The following METTL5 variants were observed in gnomAD, a reference collection of about 807,000 sequenced individuals.
The protein encoded by METTL5 is rRNA N(6)-adenosine-methyltransferase METTL5.
Under a neutral mutation model 26.5 loss-of-function variants are expected in METTL5, and 28 were observed. The observed-to-expected ratio is 1.06, with a 90% confidence interval of 0.78 to 1.45. The LOEUF (loss-of-function observed/expected upper bound fraction) is 1.45, where lower values mean the gene tolerates loss of function less well. Ranked by LOEUF, METTL5 falls within the 40% of genes most tolerant of loss-of-function variation. The probability of loss-of-function intolerance (pLI) is 0.00; values close to 1 mark genes in which losing one functional copy is unlikely to be tolerated. For missense variants in METTL5, 231 were observed against 249.9 expected (o/e 0.92, Z 0.51); for synonymous variants, 86 against 82.6 (o/e 1.04, Z -0.22).
chr2:169,815,511 A>C lies in METTL5; in HGVS notation c.507T>G (p.Ala169=). 21 of 1,602,588 alleles carry C rather than the reference A, an allele frequency of 1.3e-5. No individual in the cohort carries two copies. Among genetic ancestry groups the C allele is most frequent in the Non-Finnish European group, 1.8e-5 (21 of 1,171,222 alleles). The part of the protein sequence containing the change: ...SSTREHVQKK[A]AEWKIKIDII... ...TATCTATCTTGATTTTCCATTCTGCAGCTTTCTTTTGAACATGCTGAACAT... is the reference window on the plus strand; with the variant it reads ...TATCTATCTTGATTTTCCATTCTGCCGCTTTCTTTTGAACATGCTGAACAT... The change falls in exon 5 of 7, where the codon GCT becomes GCG. Residue 169 remains alanine, a synonymous_variant. Transcript: ENST00000260953.
At chr2:169,824,149 A>G (rs111655763) in intron 1 of METTL5, 95 of 213,610 alleles carry the variant, frequency 4.4e-4, no homozygotes, top group African/African-American at 1.9e-3. Context: ...CCTAAATAGT[A>G]CCAGCGACTC....
At chr2:169,818,902 T>C (rs1167278383) in intron 4 of METTL5, among the ~76,000 whole-genome samples, 2 of 152,192 alleles carry the variant, frequency 1.3e-5, no homozygotes, top group Non-Finnish European at 2.9e-5. Flanking sequence ...GAGGATAGTA[T>C]AGATGACAAA....
intron 1 of METTL5, among the ~76,000 whole-genome samples, chr2:169,822,613 T>A (rs76308134): frequency 1.3e-5 from 2 of 151,910 alleles, no homozygotes; most frequent in South Asian, 2.1e-4. Flanking sequence ...CTTTTTTTTT[T>A]AAACACAGGT....
Position 169,815,477 on chromosome 2 carries a change from C to T in METTL5, c.541G>A (p.Glu181Lys). ...ATATTAGGATTGAGATTTGTCTTAC[C>T]TGCTATAATATCTATCTTGATTTTC... ...EWKIKIDIIA[E>K]LRYDLPASYK... is the part of the protein sequence containing the mutation. The change falls in exon 5 of 7, where the codon GAA becomes AAA. Residue 181 changes from glutamate to lysine, a missense_variant and splice_region_variant. Physicochemically the swap from Glu to Lys is moderately conservative, Grantham distance 56. Transcript: ENST00000260953. The T allele has an allele frequency of 1.3e-6, 2 of 1,597,306 alleles. No individual in the cohort carries two copies. The highest frequency in any genetic ancestry group is 1.7e-6 in the Non-Finnish European group (2 of 1,168,654).
intron 3 of METTL5, 52 bp from the exon 4 acceptor site, chr2:169,819,695 TTAAG>T: frequency 1.6e-6 from 2 of 1,263,758 alleles, no homozygotes; most frequent in South Asian, 2.6e-5. Flanking sequence ...AAACAGAAGA[TTAAG>T]TTAGTAGGAT....
Position 169,821,156 on chromosome 2 carries a change from G to A in METTL5, c.342C>T (p.Asn114=), listed in dbSNP as rs144548406. The A allele has an allele frequency of 2.3e-5, 37 of 1,612,016 alleles. No individual in the cohort carries two copies. Among genetic ancestry groups the A allele is most frequent in the Non-Finnish European group, 2.9e-5 (34 of 1,179,068 alleles). The change falls in exon 3 of 7, where the codon AAC becomes AAT. Residue 114 remains asparagine (N), a synonymous_variant. Coordinates refer to ENST00000260953, the MANE Select transcript of METTL5 (RefSeq NM_014168.4). The part of the protein sequence containing the change: ...MVQCDVCLLS[N]RMSKSFDTVI... ...CTGTATCGAATGACTTGGACATTCTGTTAGATAATAAGCACACATCACATT... is the reference window on the plus strand; with the variant it reads ...CTGTATCGAATGACTTGGACATTCTATTAGATAATAAGCACACATCACATT...
At chr2:169,819,402 A>C (rs73016479) in intron 4 of METTL5, among the ~76,000 whole-genome samples, 159 bp downstream of exon 4, 1 of 152,306 alleles carries the variant, frequency 6.6e-6, no homozygotes, top group Admixed American at 6.5e-5. Flanking sequence ...GAAAAAGGCC[A>C]ATCAGATGCT....
At chr2:169,817,165 CAACA>C (rs2081520193) in intron 4 of METTL5, among the ~76,000 whole-genome samples, 2 of 152,012 alleles carry the variant, frequency 1.3e-5, no homozygotes, top group Non-Finnish European at 2.9e-5. Flanking sequence ...TTTATGCAGC[CAACA>C]GACATATGAA....
chr2:169,820,651 C>T (rs1308542381), intron 3 of METTL5, among the ~76,000 whole-genome samples: 4 of 152,098 alleles, frequency 2.6e-5, no homozygotes, highest in Non-Finnish European at 4.4e-5. Flanking sequence ...ATCACTTAGC[C>T]TTGGTTTATT....
chr2:169,824,498 G>A lies in METTL5; in HGVS notation c.100C>T (p.His34Tyr), dbSNP rs2105726165. Reference protein sequence around the residue: ...LLLEQYPTRPHIAACMLYTIH... With the variant: ...LLLEQYPTRPYIAACMLYTIH... ...GAACCAGCCGCCCTACCTGCAATGT[G>A]CGGCCTGGTAGGATACTGTTCCAGA... Residue 34 changes from histidine (H) to tyrosine (Y), a missense_variant, in exon 1 of 7, where the codon CAC (histidine) becomes TAC (tyrosine). Coordinates refer to ENST00000260953, the MANE Select transcript of METTL5 (RefSeq NM_014168.4). The A allele has an allele frequency of 6.2e-7, 1 of 1,613,908 alleles. No individual in the cohort carries two copies. The highest frequency in any genetic ancestry group is 8.5e-7 in the Non-Finnish European group (1 of 1,179,780).
rs1216333424 is a variant in METTL5 at position 169,821,954 on chromosome 2, C to T, written c.213G>A (p.Met71Ile). The T allele has an allele frequency of 6.2e-7, 1 of 1,613,410 alleles. No individual in the cohort carries two copies. Among genetic ancestry groups the T allele is most frequent in the Non-Finnish European group, 8.5e-7 (1 of 1,179,864 alleles). ...ATTGCATTACGTACCCTGCTCCTAA[C>T]ATTGCAGTTCCGATGCTAAGTACTC... ...GCGVLSIGTA[M>I]LGAGLCVGFD... Residue 71 changes from methionine (M) to isoleucine (I), a missense_variant, in exon 2 of 7, where the codon ATG becomes ATA. Met to Ile is a conservative substitution (Grantham distance 10, BLOSUM62 1). Transcript: ENST00000260953.
At chr2:169,816,340 T>C (rs569189043) in intron 4 of METTL5, among the ~76,000 whole-genome samples, 2 of 152,240 alleles carry the variant, frequency 1.3e-5, no homozygotes, top group East Asian at 1.9e-4. Context: ...TCCGAAAGTG[T>C]AGAGCACTGT....
intron 6 of METTL5, 60 bp downstream of exon 6, chr2:169,812,397 C>T (rs777462360): frequency 1.2e-5 from 20 of 1,612,928 alleles, no homozygotes; most frequent in Non-Finnish European, 1.4e-5. Flanking sequence ...TGAACCACCA[C>T]ATCCGGCCCA....
At chr2:169,821,367 CTT>C in intron 2 of METTL5, 94 bp from the exon 3 acceptor site, 1 of 882,462 alleles carries the variant, frequency 1.1e-6, no homozygotes, top group Non-Finnish European at 1.7e-6. Context: ...AACCATATAT[CTT>C]TTTAACCCAA....
intron 6 of METTL5, 79 bp from the exon 7 acceptor site, chr2:169,811,937 C>T: frequency 6.8e-7 from 1 of 1,477,296 alleles, no homozygotes; most frequent in Non-Finnish European, 9.3e-7. Context: ...ATGTATTGTT[C>T]TGTTTGTGTT....
chr2:169,815,459 G>T lies in METTL5; in HGVS notation c.541+18C>A. ...ACATGTTGGCCCTTTTGGATATTAGGATTGAGATTTGTCTTACCTGCTATA... is the reference window on the plus strand; with the variant it reads ...ACATGTTGGCCCTTTTGGATATTAGTATTGAGATTTGTCTTACCTGCTATA... On this transcript the variant is annotated intron_variant, in intron 5 of 6. Transcript: ENST00000260953. 6.4e-7 allele frequency: 1 copy of T among 1,572,328 alleles called. No individual in the cohort carries two copies. The highest frequency in any genetic ancestry group is 8.7e-7 in the Non-Finnish European group (1 of 1,149,850).
At chr2:169,818,877 A>G (rs2081544862) in intron 4 of METTL5, among the ~76,000 whole-genome samples, 1 of 152,184 alleles carries the variant, frequency 6.6e-6, no homozygotes, top group African/African-American at 2.4e-5. Context: ...AGTCCCTTAC[A>G]CTTAGAGTAC....
At chr2:169,814,395 G>C (rs184944694) in intron 5 of METTL5, among the ~76,000 whole-genome samples, 32 of 133,100 alleles carry the variant, frequency 2.4e-4, no homozygotes, top group African/African-American at 8.0e-4. Flanking sequence ...ACTGAGGCAA[G>C]AGCATCGCTT....
At chr2:169,823,870 T>A (rs2081617560) in intron 1 of METTL5, among the ~76,000 whole-genome samples, 2 of 152,192 alleles carry the variant, frequency 1.3e-5, no homozygotes, top group Non-Finnish European at 2.9e-5. Context: ...CCCAATGACT[T>A]CGGTAACATA....
Sources: allele counts gnomAD v4.1 joint callset (sites outside exome capture counted in the v4.1 genomes callset), GRCh38; gene constraint gnomAD v4.1.1; transcripts MANE v1.5; gene names NCBI Gene and HGNC (gene_info 2026-07-23, HGNC 2026-07-21).